ARHGAP15: variants seen among roughly 807,000 people sequenced by gnomAD.
The protein encoded by ARHGAP15 is Rho GTPase activating protein 15.
Under a neutral mutation model 63.7 loss-of-function variants are expected in ARHGAP15, and 51 were observed. The observed-to-expected ratio is 0.80, with a 90% CI of 0.64 to 1.01. The LOEUF (loss-of-function observed/expected upper bound fraction) is 1.01. Ranked by LOEUF, ARHGAP15 falls within the 50% of genes least tolerant of loss-of-function variation. The pLI, the probability that ARHGAP15 is intolerant of heterozygous loss-of-function variation, is 0.00. For synonymous variants in ARHGAP15, 191 were observed against 193.8 expected (o/e 0.99, Z 0.12); for missense variants, 560 against 564.6 (o/e 0.99, Z 0.08).
In ARHGAP15 at chr2:143,271,578, C is replaced by T. The variant is rs148298492; in HGVS notation, c.474+20978C>T. ...GCAAGCTCCGCTTCCCGGGTTCACACCATTCTCCTGCCTCAGCCTCCGGAG... is the reference window on the plus strand; with the variant it reads ...GCAAGCTCCGCTTCCCGGGTTCACATCATTCTCCTGCCTCAGCCTCCGGAG... On this transcript the variant is annotated intron_variant, in intron 6 of 13. Transcript: ENST00000295095. 9.6e-3 allele frequency among the ~76,000 whole-genome samples: 1,464 copies of T among 152,330 alleles called. 30 individuals carry two copies. Among genetic ancestry groups the T allele is most frequent in the African/African-American group, 0.034 (1,397 of 41,572 alleles).
chr2:143,315,479 G>A (rs1483534391), intron 6 of ARHGAP15, among the ~76,000 whole-genome samples: 1 of 152,022 alleles, frequency 6.6e-6, no homozygotes, highest in East Asian at 1.9e-4. Flanking sequence ...AAGAATTGCT[G>A]GGATAATTTT....
chr2:143,560,713 C>T (rs539730605), intron 11 of ARHGAP15, among the ~76,000 whole-genome samples: 6 of 152,166 alleles, frequency 3.9e-5, no homozygotes, highest in African/African-American at 7.2e-5. Context: ...TTTGGAGAAA[C>T]GCCAAACATC....
chr2:143,685,542 A>G (rs771868195), intron 12 of ARHGAP15, among the ~76,000 whole-genome samples: 74 of 152,236 alleles, frequency 4.9e-4, no homozygotes, highest in Non-Finnish European at 1.1e-3. Context: ...GCATTCATAC[A>G]GGCATCTGTC....
intron 10 of ARHGAP15, among the ~76,000 whole-genome samples, chr2:143,551,491 G>A (rs1695559964): frequency 6.6e-6 from 1 of 152,118 alleles, no homozygotes; most frequent in Admixed American, 6.6e-5. Context: ...TCTTTGGAAA[G>A]CATGTTGGGG....
At chr2:143,347,417 A>G (rs1449643125) in intron 6 of ARHGAP15, among the ~76,000 whole-genome samples, 1 of 152,096 alleles carries the variant, frequency 6.6e-6, no homozygotes. Context: ...TGTCGAAGAA[A>G]ATTGTCCTAA....
chr2:143,232,238 A>G (rs1168714881), intron 5 of ARHGAP15, among the ~76,000 whole-genome samples: 3 of 152,214 alleles, frequency 2.0e-5, no homozygotes, highest in Non-Finnish European at 4.4e-5. Flanking sequence ...GCATTTTATA[A>G]CAGAAAGGAC....
At chr2:143,510,413 G>A (rs1050277677) in intron 9 of ARHGAP15, among the ~76,000 whole-genome samples, 2 of 152,294 alleles carry the variant, frequency 1.3e-5, no homozygotes, top group African/African-American at 4.8e-5. Flanking sequence ...ATTGATGACT[G>A]GAAGTTATTA....
intron 5 of ARHGAP15, among the ~76,000 whole-genome samples, chr2:143,239,473 G>T (rs1013086953): frequency 6.6e-6 from 1 of 151,976 alleles, no homozygotes; most frequent in Non-Finnish European, 1.5e-5. Context: ...CCAGACCCTG[G>T]TAAGTACTAT....
intron 13 of ARHGAP15, among the ~76,000 whole-genome samples, chr2:143,720,686 TCTG>T (rs1370543626): frequency 2.0e-5 from 3 of 152,114 alleles, no homozygotes; most frequent in African/African-American, 4.8e-5. Flanking sequence ...GGCCAGCACT[TCTG>T]CTGCACTAGC....
At chr2:143,510,554 C>A (rs1453031854) in intron 9 of ARHGAP15, among the ~76,000 whole-genome samples, 1 of 152,142 alleles carries the variant, frequency 6.6e-6, no homozygotes, top group Non-Finnish European at 1.5e-5. Flanking sequence ...CTGAATATCT[C>A]CAAGACTGGT....
intron 10 of ARHGAP15, among the ~76,000 whole-genome samples, chr2:143,549,586 G>A (rs1284724643): frequency 6.6e-6 from 1 of 152,172 alleles, no homozygotes; most frequent in East Asian, 1.9e-4. Context: ...TCTAACAGCT[G>A]TGAGAACTGG....
chr2:143,313,187 A>G (rs1326028598), intron 6 of ARHGAP15, among the ~76,000 whole-genome samples: 2 of 152,192 alleles, frequency 1.3e-5, no homozygotes, highest in Non-Finnish European at 2.9e-5. Flanking sequence ...CTTGGGTAGC[A>G]TAATATGGAA....
At chr2:143,491,130 G>A (rs1692563802) in intron 9 of ARHGAP15, among the ~76,000 whole-genome samples, 1 of 152,154 alleles carries the variant, frequency 6.6e-6, no homozygotes, top group African/African-American at 2.4e-5. Context: ...GGAATGGTGA[G>A]CCCTTTTTAA....
At chr2:143,360,547 C>T (rs1686004277) in intron 6 of ARHGAP15, among the ~76,000 whole-genome samples, 1 of 151,620 alleles carries the variant, frequency 6.6e-6, no homozygotes, top group Non-Finnish European at 1.5e-5. Flanking sequence ...TTCCTCTGTC[C>T]AAGAGTTTTA....
chr2:143,323,449 G>C (rs1299648963), intron 6 of ARHGAP15, among the ~76,000 whole-genome samples: 1 of 152,154 alleles, frequency 6.6e-6, no homozygotes, highest in Non-Finnish European at 1.5e-5. Flanking sequence ...ACTTGGACTT[G>C]ATGATCACCT....
chr2:143,743,766 A>G (rs1454728580), intron 13 of ARHGAP15, among the ~76,000 whole-genome samples: 1 of 152,154 alleles, frequency 6.6e-6, no homozygotes, highest in Non-Finnish European at 1.5e-5. Flanking sequence ...CCAACTGAGG[A>G]GAAACTTCCA....
chr2:143,181,547 T>C (rs1691235637), intron 2 of ARHGAP15, among the ~76,000 whole-genome samples: 1 of 152,248 alleles, frequency 6.6e-6, no homozygotes, highest in African/African-American at 2.4e-5. Context: ...CACTTTCAGC[T>C]TCACCTTGTA....
intron 11 of ARHGAP15, among the ~76,000 whole-genome samples, chr2:143,573,730 A>G (rs1696555023): frequency 3.3e-5 from 5 of 152,188 alleles, no homozygotes; most frequent in African/African-American, 1.2e-4. Context: ...TGAAGCAGTA[A>G]TTGGAAATTT....
At chr2:143,734,412 G>A (rs1330411702) in intron 13 of ARHGAP15, among the ~76,000 whole-genome samples, 1 of 152,114 alleles carries the variant, frequency 6.6e-6, no homozygotes, top group African/African-American at 2.4e-5. Context: ...ATTGCATTTA[G>A]GAGTATATTT....
Sources: gnomAD v4.1 joint callset for allele counts (sites outside exome capture counted in the v4.1 genomes callset) on GRCh38, gnomAD v4.1.1 for gene constraint, MANE v1.5 for transcripts, NCBI Gene and HGNC (gene_info 2026-07-23, HGNC 2026-07-21) for gene names.